The following LIMS1 variants were observed in gnomAD, a reference collection of about 807,000 sequenced individuals.
LIMS1 encodes the protein LIM and senescent cell antigen-like-containing domain protein 1.
Under a neutral mutation model 44.1 loss-of-function variants are expected in LIMS1, and 18 were observed. The observed-to-expected ratio is 0.41, with a 90% CI of 0.28 to 0.61. LIMS1 has a LOEUF of 0.61. Ranked by LOEUF, LIMS1 falls within the 20% of genes least tolerant of loss-of-function variation. The pLI is 0.32. For missense variants in LIMS1, 201 were observed against 422.0 expected (o/e 0.48, Z 4.59); for synonymous variants, 93 against 149.1 (o/e 0.62, Z 2.74).
At chr2:108,560,348 TAG>T (rs1291123247) in intron 1 of LIMS1, among the ~76,000 whole-genome samples, 1 of 152,172 alleles carries the variant, frequency 6.6e-6, no homozygotes, top group Non-Finnish European at 1.5e-5. Flanking sequence ...CCGTAGTCTT[TAG>T]AGAGACCCAT....
chr2:108,549,279 C>CTTTTTTTTT lies in LIMS1; in HGVS notation c.32+14710_32+14718dup, dbSNP rs71381966. On this transcript the variant is annotated intron_variant, in intron 1 of 9. Coordinates refer to ENST00000544547, the Ensembl canonical transcript of LIMS1. ...ATAATAATGTACAAGTAAAGTGTTT[C>CTTTTTTTTT]TTTTTTTTTTTTTTTTTTTTTTTTT... is the stretch of plus-strand genomic sequence containing the variant. 1.1e-3 allele frequency among the ~76,000 whole-genome samples: 63 copies of CTTTTTTTTT among 55,794 alleles called. 13 individuals carry two copies. The highest frequency in any genetic ancestry group is 1.6e-3 in the Non-Finnish European group (50 of 32,026). The allele number at this position is 55,794 out of a possible 152,430, so 36.6% of individuals were successfully genotyped here.
intron 1 of LIMS1, among the ~76,000 whole-genome samples, chr2:108,570,582 GCAAA>G (rs1685449348): frequency 6.6e-6 from 1 of 152,080 alleles, no homozygotes; most frequent in African/African-American, 2.4e-5. Context: ...ACTCCCACAA[GCAAA>G]CAAACAGAAG....
At chr2:108,564,909 T>C (rs949432111) in intron 1 of LIMS1, among the ~76,000 whole-genome samples, 1 of 151,866 alleles carries the variant, frequency 6.6e-6, no homozygotes, top group South Asian at 2.1e-4. Context: ...CTTTGTACTG[T>C]AGTCACTGTA....
intron 1 of LIMS1, among the ~76,000 whole-genome samples, chr2:108,611,895 C>T (rs1558808782): frequency 2.1e-5 from 3 of 141,644 alleles, no homozygotes; most frequent in South Asian, 4.4e-4. Flanking sequence ...TATATACACA[C>T]ATATATAAAA....
At chr2:108,584,616 G>A (rs998568757) in intron 1 of LIMS1, among the ~76,000 whole-genome samples, 2 of 152,124 alleles carry the variant, frequency 1.3e-5, no homozygotes, top group East Asian at 3.9e-4. Context: ...AAATGAGAAT[G>A]TATAACGGGA....
intron 1 of LIMS1, among the ~76,000 whole-genome samples, chr2:108,564,757 T>A (rs1415086012): frequency 1.3e-5 from 2 of 152,068 alleles, no homozygotes; most frequent in Admixed American, 1.3e-4. Context: ...GTAAGATTGC[T>A]GCAGCTATGT....
intron 2 of LIMS1, among the ~76,000 whole-genome samples, chr2:108,669,983 C>T (rs565566787): frequency 6.6e-6 from 1 of 151,872 alleles, no homozygotes; most frequent in Non-Finnish European, 1.5e-5. Context: ...ACCTTTACAG[C>T]CTTATGGATT....
intron 1 of LIMS1, among the ~76,000 whole-genome samples, chr2:108,543,870 C>A (rs1031341962): frequency 2.6e-5 from 4 of 152,082 alleles, no homozygotes; most frequent in Admixed American, 2.0e-4. Context: ...ATCTGCATCT[C>A]GTTATTGGGC....
intron 1 of LIMS1, among the ~76,000 whole-genome samples, chr2:108,591,322 G>A (rs987665451): frequency 5.3e-5 from 8 of 152,170 alleles, no homozygotes; most frequent in African/African-American, 1.7e-4. Context: ...AAAGGACTGA[G>A]CAAATGATGC....
chr2:108,682,383 C>T (rs1056850406), intron 9 of LIMS1, among the ~76,000 whole-genome samples: 1 of 152,110 alleles, frequency 6.6e-6, no homozygotes. Flanking sequence ...GCCTGTAATC[C>T]CAGATACTCG....
At chr2:108,669,403 G>T (rs1692009757) in intron 2 of LIMS1, among the ~76,000 whole-genome samples, 1 of 151,050 alleles carries the variant, frequency 6.6e-6, no homozygotes, top group Non-Finnish European at 1.5e-5. Flanking sequence ...GCGAGACTCT[G>T]GGAAAAAAAA....
At chr2:108,653,557 G>A (rs886553179) in intron 1 of LIMS1, among the ~76,000 whole-genome samples, 1 of 152,088 alleles carries the variant, frequency 6.6e-6, no homozygotes, top group African/African-American at 2.4e-5. Context: ...GAGAGGATGG[G>A]GACGTGAGAA....
chr2:108,639,003 A>C (rs572384795), intron 1 of LIMS1, among the ~76,000 whole-genome samples: 1 of 152,078 alleles, frequency 6.6e-6, no homozygotes, highest in African/African-American at 2.4e-5. Context: ...GGATCGCGCT[A>C]CTGCACTCCA....
At position 108,663,294 on chromosome 2, in the gene LIMS1, A is replaced by T. The variant is rs552303895; in HGVS notation, c.192+3530A>T. Among the ~76,000 whole-genome samples the T allele has an allele frequency of 8.4e-4, 127 of 151,808 alleles. 1 individual carries two copies. The highest frequency in any genetic ancestry group is 7.1e-3 in the South Asian group (34 of 4,798). ...CTACCACAGCCAGATAATTAAAAAAATTTTTTTTGCAGAAACAGGGTCTTG... is the reference window on the plus strand; with the variant it reads ...CTACCACAGCCAGATAATTAAAAAATTTTTTTTTGCAGAAACAGGGTCTTG... On this transcript the variant is annotated intron_variant, in intron 2 of 9. Transcript: ENST00000544547.
Position 108,551,598 on chromosome 2 carries a change from ATATATATATG to A in LIMS1, c.32+17022_32+17031del, listed in dbSNP as rs201865902. Among the ~76,000 whole-genome samples the A allele has an allele frequency of 5.2e-3, 734 of 140,626 alleles. 6 individuals carry two copies. The highest frequency in any genetic ancestry group is 0.018 in the African/African-American group (653 of 36,240). The allele number at this position is 140,626 out of a possible 152,430, so 92.3% of individuals were successfully genotyped here. On this transcript the variant is annotated intron_variant, in intron 1 of 9. Coordinates refer to ENST00000544547, the Ensembl canonical transcript of LIMS1. ...GAAAATGATCCAAGGCATGGTTCCT[ATATATATATG>A]TATATATATGTATATATGTGTATAT...
intron 1 of LIMS1, among the ~76,000 whole-genome samples, chr2:108,631,763 A>T (rs981629624): frequency 6.6e-6 from 1 of 152,088 alleles, no homozygotes; most frequent in Admixed American, 6.5e-5. Context: ...CCCTTTCTTC[A>T]TGGTCTGTAA....
chr2:108,533,993 C>G (rs1404879088), upstream of LIMS1: 2 of 153,090 alleles, frequency 1.3e-5, no homozygotes, highest in East Asian at 3.9e-4. Flanking sequence ...GCTCCCACCC[C>G]CGGGACGAAG....
chr2:108,534,555 G>C, exon 1 of LIMS1: 1 of 1,205,102 alleles, frequency 8.3e-7, no homozygotes, highest in Non-Finnish European at 1.0e-6. Flanking sequence ...GCGGCCGAAA[G>C]CGGAGAGATG....
chr2:108,611,391 C>T (rs148292432), intron 1 of LIMS1, among the ~76,000 whole-genome samples: 2 of 152,274 alleles, frequency 1.3e-5, no homozygotes, highest in Admixed American at 6.5e-5. Flanking sequence ...AAGGAATAAT[C>T]AGAGCCTTTA....
Sources: allele counts gnomAD v4.1 joint callset (sites outside exome capture counted in the v4.1 genomes callset), GRCh38; gene constraint gnomAD v4.1.1; transcripts MANE v1.5; gene names NCBI Gene and HGNC (gene_info 2026-07-23, HGNC 2026-07-21).